NUP155: variants seen among roughly 807,000 people sequenced by gnomAD.
The protein encoded by NUP155 is nuclear pore complex protein Nup155.
NUP155 carries 71 observed loss-of-function variants against 180.4 expected under a neutral mutation model. The observed-to-expected ratio is 0.39, with a 90% CI of 0.33 to 0.48. The LOEUF is 0.48. Ranked by LOEUF, NUP155 falls within the 20% of genes least tolerant of loss-of-function variation. NUP155 has a pLI of 0.91. For synonymous variants in NUP155, 582 were observed against 559.5 expected, an observed-to-expected ratio of 1.04 and a Z score of -0.57; for missense variants, 1,553 against 1,648.9, an observed-to-expected ratio of 0.94 and a Z score of 1.01.
chr5:37,343,437 G>A (rs907087879), intron 9 of NUP155, among the ~76,000 whole-genome samples: 1 of 152,036 alleles, frequency 6.6e-6, no homozygotes, highest in African/African-American at 2.4e-5. Context: ...TACAAGAGCA[G>A]CAAGAACTGG....
intron 9 of NUP155, 49 bp from the exon 10 acceptor site, chr5:37,342,695 A>G (rs1182259197): frequency 8.7e-7 from 1 of 1,143,698 alleles, no homozygotes; most frequent in Non-Finnish European, 1.3e-6. Context: ...TGTCTGCTAA[A>G]TTATAAGAAA....
intron 4 of NUP155, among the ~76,000 whole-genome samples, chr5:37,356,365 G>A (rs1322693006): frequency 3.3e-5 from 5 of 152,056 alleles, no homozygotes; most frequent in African/African-American, 1.2e-4. Context: ...ATTATGGCCA[G>A]GGCATGGCAG....
intron 20 of NUP155, among the ~76,000 whole-genome samples, chr5:37,323,034 G>A (rs1317961883): frequency 6.6e-6 from 1 of 151,998 alleles, no homozygotes. Flanking sequence ...TGTAATCCCA[G>A]AACTTTGGGA....
chr5:37,332,898 C>G (rs367671758), intron 13 of NUP155, among the ~76,000 whole-genome samples: 3 of 149,308 alleles, frequency 2.0e-5, no homozygotes, highest in Non-Finnish European at 4.5e-5. Flanking sequence ...CAGAGGTTGC[C>G]GTAAGCCAAG....
chr5:37,346,962 T>A (rs7729992), intron 9 of NUP155, among the ~76,000 whole-genome samples: 31,332 of 152,092 alleles, frequency 0.21, 3,612 homozygotes, highest in African/African-American at 0.31. Context: ...GTGCAGTGGC[T>A]CATGCCTGTA....
At position 37,351,369 on chromosome 5, in the gene NUP155, G is replaced by A; in HGVS notation, c.557-13C>T. The A allele has an allele frequency of 6.3e-7, 1 of 1,594,046 alleles. No individual in the cohort carries two copies. ...AGAACTCCAGAACCTATTTAAGAAAGAATACATAAATCAGTTTATTAGCTA... is the reference window on the plus strand; with the variant it reads ...AGAACTCCAGAACCTATTTAAGAAAAAATACATAAATCAGTTTATTAGCTA... On this transcript the variant is annotated splice_polypyrimidine_tract_variant and intron_variant, in intron 5 of 34. Coordinates refer to ENST00000231498, the MANE Select transcript of NUP155 (RefSeq NM_153485.3).
intron 33 of NUP155, among the ~76,000 whole-genome samples, chr5:37,293,594 C>A (rs984501921): frequency 6.6e-6 from 1 of 152,184 alleles, no homozygotes; most frequent in Admixed American, 6.5e-5. Context: ...ATAAAAATTA[C>A]AAAACATATA....
Position 37,291,636 on chromosome 5 carries a change from G to T in NUP155, c.*264C>A. The T allele has an allele frequency of 3.0e-6, 1 of 332,382 alleles. No homozygotes were observed. Among genetic ancestry groups the T allele is most frequent in the Non-Finnish European group, 5.6e-6 (1 of 179,048 alleles). The allele number at this position is 332,382 out of a possible 1,614,324, so 20.6% of individuals were successfully genotyped here. A position where few individuals can be genotyped will look rare whatever the true frequency, so the allele number is the denominator to read the frequency against. Reference sequence around the variant, plus strand: ...CTGCCTGCAGTACAATTCAAAATAAGAGTTTCTAAATTTTTTTAATCCTTA... The same window carrying T: ...CTGCCTGCAGTACAATTCAAAATAATAGTTTCTAAATTTTTTTAATCCTTA... On this transcript the variant is annotated 3_prime_UTR_variant, in exon 35 of 35. Coordinates refer to ENST00000231498, the MANE Select transcript of NUP155 (RefSeq NM_153485.3).
intron 1 of NUP155, among the ~76,000 whole-genome samples, chr5:37,370,405 T>C (rs1003607226): frequency 2.6e-5 from 4 of 152,226 alleles, no homozygotes; most frequent in African/African-American, 7.2e-5. Flanking sequence ...AAGCAAAGCG[T>C]ATCTTTAAGA....
intron 3 of NUP155, among the ~76,000 whole-genome samples, chr5:37,361,693 A>T (rs1747235188): frequency 6.6e-6 from 1 of 152,222 alleles, no homozygotes; most frequent in Non-Finnish European, 1.5e-5. Flanking sequence ...AGCCAATTGA[A>T]TATTTAAACT....
intron 19 of NUP155, among the ~76,000 whole-genome samples, chr5:37,324,705 T>C (rs981472368): frequency 3.9e-5 from 6 of 152,088 alleles, no homozygotes; most frequent in Non-Finnish European, 8.8e-5. Context: ...CCACCACATA[T>C]CTGACTAATT....
chr5:37,333,575 A>G lies in NUP155; in HGVS notation c.1406T>C (p.Val469Ala), dbSNP rs762284029. The change falls in exon 13 of 35, where the codon GTA (valine) becomes GCA (alanine). Residue 469 changes from valine (V) to alanine (A), a missense_variant. By Grantham distance (64) the Val-to-Ala change is moderately conservative. Coordinates refer to ENST00000231498, the MANE Select transcript of NUP155 (RefSeq NM_153485.3). ...GTTTAAAGGTGTAATTATTTTATCT[A>G]CTTTCAATTCATCTATCGCAGAAAG... ...WALSAIDELK[V>A]DKIITPLNKD... 2.5e-6 allele frequency: 4 copies of G among 1,613,722 alleles called. No individual in the cohort carries two copies. Among genetic ancestry groups the G allele is most frequent in the Non-Finnish European group, 2.5e-6 (3 of 1,179,640 alleles).
At chr5:37,315,309 A>G (rs929240491) in intron 21 of NUP155, among the ~76,000 whole-genome samples, 1 of 152,264 alleles carries the variant, frequency 6.6e-6, no homozygotes, top group Admixed American at 6.5e-5. Flanking sequence ...AAAAGAACTT[A>G]GAAAAAATTA....
chr5:37,327,388 G>A (rs1744671067), intron 18 of NUP155, among the ~76,000 whole-genome samples: 1 of 152,112 alleles, frequency 6.6e-6, no homozygotes, highest in African/African-American at 2.4e-5. Flanking sequence ...CCTGTGTTAA[G>A]GAACAACTGT....
At chr5:37,358,383 T>C (rs1470697033) in intron 3 of NUP155, among the ~76,000 whole-genome samples, 1 of 151,866 alleles carries the variant, frequency 6.6e-6, no homozygotes, top group African/African-American at 2.4e-5. Context: ...CGCAAAGGCC[T>C]GGGAGGTTGA....
chr5:37,311,606 A>G (rs1182214172), intron 22 of NUP155, among the ~76,000 whole-genome samples: 1 of 152,118 alleles, frequency 6.6e-6, no homozygotes. Context: ...GGTATACGAG[A>G]GTCAAAAAGT....
At chr5:37,330,686 T>C (rs1744899482) in intron 14 of NUP155, among the ~76,000 whole-genome samples, 1 of 152,124 alleles carries the variant, frequency 6.6e-6, no homozygotes, top group South Asian at 2.1e-4. Context: ...TACTAAGATC[T>C]CTACACTGTT....
At chr5:37,317,687 A>AC (rs1370622591) in intron 21 of NUP155, among the ~76,000 whole-genome samples, 3 of 78,592 alleles carry the variant, frequency 3.8e-5, no homozygotes, top group African/African-American at 4.8e-5. Flanking sequence ...TCCCAATCAC[A>AC]CTTTTTTTTT....
At chr5:37,298,806 A>ATT in intron 32 of NUP155, 62 bp downstream of exon 32, 1 of 862,376 alleles carries the variant, frequency 1.2e-6, no homozygotes, top group Non-Finnish European at 2.0e-6. Flanking sequence ...TTATTTGTCC[A>ATT]TATCAACGGA....
Sources: gnomAD v4.1 joint callset for allele counts (sites outside exome capture counted in the v4.1 genomes callset) on GRCh38, gnomAD v4.1.1 for gene constraint, MANE v1.5 for transcripts, NCBI Gene and HGNC (gene_info 2026-07-23, HGNC 2026-07-21) for gene names.